Variants in BLTP3B observed in about 807,000 individuals in gnomAD.
BLTP3B encodes UHRF1 (ICBP90) binding protein 1-like.
the BLTP3B span, chr12:100,103,778 C>G: frequency 1.5e-6 from 1 of 675,824 alleles, no homozygotes; most frequent in Non-Finnish European, 2.2e-6. Context: ...AACCTGAGTC[C>G]TATCAAAATA....
chr12:100,045,490 T>C, the BLTP3B span, among the ~76,000 whole-genome samples: 1 of 152,116 alleles, frequency 6.6e-6, no homozygotes, highest in East Asian at 1.9e-4. Context: ...GGATTCCCTA[T>C]TTAATAAATG....
the BLTP3B span, among the ~76,000 whole-genome samples, chr12:100,112,702 A>G: frequency 6.6e-6 from 1 of 152,226 alleles, no homozygotes; most frequent in Non-Finnish European, 1.5e-5. Flanking sequence ...TCAAAGATTT[A>G]TAATTTGGTT....
chr12:100,089,775 A>C, the BLTP3B span, among the ~76,000 whole-genome samples: 2 of 152,142 alleles, frequency 1.3e-5, no homozygotes, highest in African/African-American at 4.8e-5. Context: ...ATACACTGTT[A>C]TATATCTGAT....
chr12:100,097,594 T>C, the BLTP3B span: 1 of 1,370,582 alleles, frequency 7.3e-7, no homozygotes, highest in Non-Finnish European at 9.8e-7. Context: ...AAATGTATAT[T>C]CTCAGTTAAT....
the BLTP3B span, among the ~76,000 whole-genome samples, chr12:100,074,697 T>G: frequency 6.6e-6 from 1 of 151,812 alleles, no homozygotes; most frequent in Admixed American, 6.6e-5. Context: ...GAAAAAAATT[T>G]TAAAATATTT....
chr12:100,047,365 A>G, the BLTP3B span, among the ~76,000 whole-genome samples: 1 of 152,016 alleles, frequency 6.6e-6, no homozygotes, highest in Non-Finnish European at 1.5e-5. Flanking sequence ...GGGCGTGTTG[A>G]CAGGCACCTG....
At chr12:100,075,250 T>C in the BLTP3B span, among the ~76,000 whole-genome samples, 10 of 152,072 alleles carry the variant, frequency 6.6e-5, no homozygotes, top group African/African-American at 2.4e-4. Context: ...GACCTCGTGA[T>C]CCGCCCACCT....
At chr12:100,095,534 T>C in the BLTP3B span, 6 of 944,384 alleles carry the variant, frequency 6.4e-6, no homozygotes, top group South Asian at 5.2e-5. Context: ...ACATAGAAGA[T>C]ATCTAGATAA....
At chr12:100,126,670 T>C in the BLTP3B span, among the ~76,000 whole-genome samples, 1 of 152,162 alleles carries the variant, frequency 6.6e-6, no homozygotes, top group Non-Finnish European at 1.5e-5. Context: ...AGAAATTAAA[T>C]GTTAAGATTA....
At chr12:100,069,395 T>C in the BLTP3B span, among the ~76,000 whole-genome samples, 1 of 151,842 alleles carries the variant, frequency 6.6e-6, no homozygotes, top group Non-Finnish European at 1.5e-5. Flanking sequence ...AATGAAAGGA[T>C]AAAGAAACTG....
At chr12:100,082,840 C>T in the BLTP3B span, among the ~76,000 whole-genome samples, 2 of 152,146 alleles carry the variant, frequency 1.3e-5, no homozygotes, top group East Asian at 1.9e-4. Context: ...GTTTGGTTAA[C>T]TGAGTAACCA....
the BLTP3B span, among the ~76,000 whole-genome samples, chr12:100,115,993 A>C: frequency 6.6e-6 from 1 of 151,956 alleles, no homozygotes; most frequent in Admixed American, 6.6e-5. Flanking sequence ...ACATGATGAA[A>C]TCCCATCTCT....
At chr12:100,123,436 G>C in the BLTP3B span, among the ~76,000 whole-genome samples, 1 of 152,112 alleles carries the variant, frequency 6.6e-6, no homozygotes, top group Non-Finnish European at 1.5e-5. Flanking sequence ...AAAATTCTGT[G>C]ACCGTGTGCG....
At chr12:100,037,447 C>G in the BLTP3B span, 87 of 1,340,936 alleles carry the variant, frequency 6.5e-5, 1 homozygote, top group Non-Finnish European at 3.8e-6. Flanking sequence ...ACAAAACAAC[C>G]AAAAGATTGT....
the BLTP3B span, among the ~76,000 whole-genome samples, chr12:100,142,182 G>C: frequency 6.6e-6 from 1 of 152,198 alleles, no homozygotes; most frequent in South Asian, 2.1e-4. Context: ...GAACCGCTCT[G>C]CTCCAAGGGG....
At chr12:100,082,913 T>C in the BLTP3B span, 1 of 821,448 alleles carries the variant, frequency 1.2e-6, no homozygotes, top group Non-Finnish European at 1.9e-6. Flanking sequence ...TTCATAAACC[T>C]TGTAAAGATT....
At chr12:100,094,513 G>A in the BLTP3B span, among the ~76,000 whole-genome samples, 418 of 152,254 alleles carry the variant, frequency 2.7e-3, 1 homozygote, top group African/African-American at 9.7e-3. Flanking sequence ...CCCTACCCCT[G>A]CACCTTAGGA....
At chr12:100,080,041 A>G in the BLTP3B span, among the ~76,000 whole-genome samples, 4 of 152,210 alleles carry the variant, frequency 2.6e-5, no homozygotes, top group African/African-American at 9.6e-5. Context: ...AAATGCCTGG[A>G]TGCCCAGGCA....
the BLTP3B span, among the ~76,000 whole-genome samples, chr12:100,105,719 G>A: frequency 6.6e-6 from 1 of 152,018 alleles, no homozygotes; most frequent in Non-Finnish European, 1.5e-5. Context: ...CACAACAAAA[G>A]AAATAATCAT....
Sources: gnomAD v4.1 joint callset for allele counts (sites outside exome capture counted in the v4.1 genomes callset) on GRCh38, gnomAD v4.1.1 for gene constraint, MANE v1.5 for transcripts, NCBI Gene and HGNC (gene_info 2026-07-23, HGNC 2026-07-21) for gene names.